The following TRIO variants were observed in gnomAD, a reference collection of about 807,000 sequenced individuals.
The protein encoded by TRIO is trio Rho guanine nucleotide exchange factor.
Under a neutral mutation model 351.9 loss-of-function variants are expected in TRIO, and 58 were observed. The ratio of observed to expected loss-of-function variants is 0.16; its 90% CI spans 0.13 to 0.21. The LOEUF (loss-of-function observed/expected upper bound fraction) is 0.21. Among genes scored for constraint, TRIO ranks in the 10% least tolerant of loss-of-function variants. The pLI, the probability that TRIO is intolerant of heterozygous loss-of-function variation, is 1.00. For synonymous variants in TRIO, 1,758 were observed against 1,595.7 expected (o/e 1.10, Z -2.42); for missense variants, 3,201 against 4,027.8 (o/e 0.79, Z 5.56).
chr5:14,172,116 C>T (rs1317983407), intron 1 of TRIO, among the ~76,000 whole-genome samples: 1 of 152,132 alleles, frequency 6.6e-6, no homozygotes, highest in Non-Finnish European at 1.5e-5. Flanking sequence ...TTCATTAGGA[C>T]ACTAATAAGC....
In TRIO at chr5:14,461,311, G is replaced by A; in HGVS notation, c.5496G>A (p.Glu1832=). 1.3e-6 allele frequency: 2 copies of A among 1,563,886 alleles called. No individual in the cohort carries two copies. The highest frequency in any genetic ancestry group is 1.2e-5 in the South Asian group (1 of 84,290). ...CCCCGCAGGACGAGACGGTCGAGGA[G>A]GTGAGGCTCTGCCCGCTGGTTGGGG... ...AATPQDETVE[E]RGRNEGLSSG... is the part of the protein sequence containing the mutation. Residue 1832 remains glutamate, a splice_region_variant and synonymous_variant, in exon 35 of 57, where the codon GAG becomes GAA. Transcript: ENST00000344204.
chr5:14,293,477 C>T (rs994088239), intron 6 of TRIO, among the ~76,000 whole-genome samples: 12 of 152,192 alleles, frequency 7.9e-5, no homozygotes, highest in Non-Finnish European at 1.2e-4. Flanking sequence ...CAGTGAGTCC[C>T]CCAGACGGAG....
At chr5:14,468,364 T>C (rs1754427314) in intron 37 of TRIO, among the ~76,000 whole-genome samples, 1 of 152,252 alleles carries the variant, frequency 6.6e-6, no homozygotes, top group Admixed American at 6.5e-5. Flanking sequence ...ACCAGGCAAG[T>C]CCTTCAGCCT....
At chr5:14,425,071 A>G (rs912035310) in intron 34 of TRIO, among the ~76,000 whole-genome samples, 4 of 152,240 alleles carry the variant, frequency 2.6e-5, no homozygotes, top group Non-Finnish European at 4.4e-5. Flanking sequence ...TAAACTCCAC[A>G]TAACAAAATG....
intron 10 of TRIO, among the ~76,000 whole-genome samples, chr5:14,335,277 A>G (rs1404298427): frequency 2.0e-5 from 3 of 152,058 alleles, no homozygotes; most frequent in African/African-American, 4.8e-5. Flanking sequence ...CCCTCCCCAC[A>G]TGACGCCCTC....
chr5:14,314,855 T>G (rs1370859090), intron 8 of TRIO, among the ~76,000 whole-genome samples: 1 of 152,244 alleles, frequency 6.6e-6, no homozygotes, highest in Non-Finnish European at 1.5e-5. Flanking sequence ...CCATTTTTGT[T>G]TTAACTGACA....
intron 1 of TRIO, among the ~76,000 whole-genome samples, chr5:14,204,574 TTAAG>T (rs1482060588): frequency 6.6e-6 from 1 of 152,146 alleles, no homozygotes; most frequent in Non-Finnish European, 1.5e-5. Context: ...CAATAGCTAA[TTAAG>T]TAGAGATTTC....
At chr5:14,475,332 C>T (rs1435518523) in intron 40 of TRIO, among the ~76,000 whole-genome samples, 3 of 128,382 alleles carry the variant, frequency 2.3e-5, no homozygotes, top group Non-Finnish European at 4.9e-5. Flanking sequence ...CTCCAAAGCT[C>T]TGGCCTCTCT....
intron 1 of TRIO, among the ~76,000 whole-genome samples, chr5:14,167,648 C>T (rs1788850906): frequency 6.6e-6 from 1 of 152,070 alleles, no homozygotes; most frequent in Non-Finnish European, 1.5e-5. Flanking sequence ...TGAGACTTGC[C>T]CCAGACATCA....
intron 34 of TRIO, among the ~76,000 whole-genome samples, chr5:14,432,247 C>G (rs995978098): frequency 6.6e-6 from 1 of 151,380 alleles, no homozygotes; most frequent in Non-Finnish European, 1.5e-5. Flanking sequence ...AGAAAAATCA[C>G]GTAACCAAAC....
intron 34 of TRIO, among the ~76,000 whole-genome samples, chr5:14,445,148 A>C (rs1239651449): frequency 6.6e-6 from 1 of 152,190 alleles, no homozygotes; most frequent in Admixed American, 6.5e-5. Flanking sequence ...GCAAGTCCAT[A>C]AACAGAGTGA....
chr5:14,504,484 G>A lies in TRIO; in HGVS notation c.8503G>A (p.Asp2835Asn), dbSNP rs768614002. The change falls in exon 55 of 57, where the codon GAC (aspartate) becomes AAC (asparagine). Residue 2835 changes from aspartate to asparagine, a missense_variant. By Grantham distance (23) the Asp-to-Asn change is conservative (BLOSUM62 1). This residue lies in a region of TRIO where 1,089 missense variants were observed against 954.9 expected (regional missense o/e 1.14). Transcript: ENST00000344204. ...TGTGAACAAGAAGTTGATGAAGCGC[G>A]ACCAGGTCACCCATGAGCTTGGCAT... is the stretch of plus-strand genomic sequence containing the variant. ...KFVNKKLMKR[D>N]QVTHELGILQ... The A allele has an allele frequency of 5.0e-6, 8 of 1,614,078 alleles. No homozygotes were observed. Among genetic ancestry groups the A allele is most frequent in the South Asian group, 3.3e-5 (3 of 91,080 alleles).
At chr5:14,462,672 C>T in intron 35 of TRIO, 83 bp from the exon 36 acceptor site, 5 of 1,564,608 alleles carry the variant, frequency 3.2e-6, no homozygotes, top group Non-Finnish European at 4.3e-6. Context: ...GTCTCTGTCC[C>T]CACCTTGCTT....
At chr5:14,413,637 C>G (rs564210448) in intron 33 of TRIO, among the ~76,000 whole-genome samples, 2 of 152,296 alleles carry the variant, frequency 1.3e-5, no homozygotes, top group South Asian at 4.1e-4. Flanking sequence ...AAACCACAAA[C>G]TGAATGTCAT....
At chr5:14,318,345 C>T (rs1160933954) in intron 9 of TRIO, among the ~76,000 whole-genome samples, 1 of 143,282 alleles carries the variant, frequency 7.0e-6, no homozygotes, top group Non-Finnish European at 1.5e-5. Context: ...ATCCCAGTTA[C>T]TCAGGAGGCT....
At chr5:14,464,288 C>A (rs961855692) in intron 36 of TRIO, among the ~76,000 whole-genome samples, 1 of 152,188 alleles carries the variant, frequency 6.6e-6, no homozygotes, top group African/African-American at 2.4e-5. Context: ...GGGGCTGGGC[C>A]TTGTTGACTT....
chr5:14,235,121 A>G (rs540091227), intron 1 of TRIO, among the ~76,000 whole-genome samples: 3 of 152,222 alleles, frequency 2.0e-5, no homozygotes, highest in Non-Finnish European at 4.4e-5. Context: ...TCTGTAGAAA[A>G]CAAACCAAAG....
chr5:14,337,230 A>C (rs1043278862), intron 11 of TRIO, among the ~76,000 whole-genome samples: 3 of 152,218 alleles, frequency 2.0e-5, no homozygotes, highest in African/African-American at 7.2e-5. Flanking sequence ...AGCTCATCTC[A>C]TGACAAGAAA....
At chr5:14,208,961 G>C (rs1791709977) in intron 1 of TRIO, among the ~76,000 whole-genome samples, 2 of 152,244 alleles carry the variant, frequency 1.3e-5, no homozygotes, top group Admixed American at 6.5e-5. Context: ...TGTAAAACTG[G>C]ATTGTGATGC....
Sources: gnomAD v4.1 joint callset for allele counts (sites outside exome capture counted in the v4.1 genomes callset) on GRCh38, gnomAD v4.1.1 for gene constraint, gnomAD v4.1.1 regional missense constraint, MANE v1.5 for transcripts, NCBI Gene and HGNC (gene_info 2026-07-23, HGNC 2026-07-21) for gene names.